Variants in USP6NL observed in about 807,000 individuals in gnomAD.
USP6NL encodes the protein USP6 N-terminal-like protein.
USP6NL carries 26 observed loss-of-function variants against 61.9 expected under a neutral mutation model. That is an observed-to-expected ratio of 0.42 (90% CI 0.31 to 0.58). USP6NL has a LOEUF of 0.58. Among genes scored for constraint, USP6NL ranks in the 20% least tolerant of loss-of-function variants. USP6NL has a pLI of 0.16. For missense variants in USP6NL, 1,114 were observed against 1,034.3 expected (o/e 1.08, Z -1.06); for synonymous variants, 432 against 390.1 (o/e 1.11, Z -1.27).
At chr10:11,583,212 G>A (rs1238660116) in intron 2 of USP6NL, among the ~76,000 whole-genome samples, 15 of 141,888 alleles carry the variant, frequency 1.1e-4, no homozygotes, top group East Asian at 2.1e-4. Flanking sequence ...TCCCTGAGAC[G>A]GAGTCTCGCT....
chr10:11,581,687 A>C (rs11257179), intron 2 of USP6NL, among the ~76,000 whole-genome samples: 17,237 of 151,962 alleles, frequency 0.11, 1,291 homozygotes, highest in East Asian at 0.16. Flanking sequence ...ACCATTTCTA[A>C]CTCTTCTCTC....
Position 11,511,570 on chromosome 10 carries a change from C to T in USP6NL, c.196-1895G>A, listed in dbSNP as rs200892513. 3.3e-5 allele frequency among the ~76,000 whole-genome samples: 5 copies of T among 152,100 alleles called. No individual in the cohort carries two copies. The East Asian group carries it at 7.7e-4, about 23-fold the overall frequency. ...CAACATACACTTTGCCAGGAACAAC[C>T]CTGCTGAGATCTAGCAGGTCTCTTG... On this transcript the variant is annotated intron_variant, in intron 5 of 14. Coordinates refer to ENST00000609104, the MANE Select transcript of USP6NL (RefSeq NM_014688.5). This position sits in a 1 kb window ranked among gnomAD's most constrained non-coding sequence, Gnocchi z 4.9.
chr10:11,522,619 T>C (rs148983222), intron 4 of USP6NL, among the ~76,000 whole-genome samples: 233 of 152,358 alleles, frequency 1.5e-3, no homozygotes, highest in African/African-American at 4.9e-3. Context: ...GACCACATCA[T>C]GGAGTAAATA....
chr10:11,477,267 G>A (rs189228121), intron 14 of USP6NL, among the ~76,000 whole-genome samples: 114 of 152,240 alleles, frequency 7.5e-4, no homozygotes, highest in Middle Eastern at 3.4e-3. Context: ...AATTAATAAA[G>A]ACTAAATTCT....
chr10:11,570,892 T>C (rs1837332539), intron 2 of USP6NL, among the ~76,000 whole-genome samples: 1 of 152,150 alleles, frequency 6.6e-6, no homozygotes. Context: ...GCCCCATCCT[T>C]TTCCCTGGTC....
At chr10:11,497,391 A>C (rs1833979337) in intron 7 of USP6NL, among the ~76,000 whole-genome samples, 1 of 149,532 alleles carries the variant, frequency 6.7e-6, no homozygotes. Context: ...AGCCTGGGCA[A>C]CAAGAGTGAG....
At chr10:11,569,650 A>C (rs1231659918) in intron 2 of USP6NL, among the ~76,000 whole-genome samples, 1 of 152,144 alleles carries the variant, frequency 6.6e-6, no homozygotes, top group Admixed American at 6.5e-5. Context: ...AGGAGGGAAA[A>C]ACTCGCCATC....
intron 4 of USP6NL, among the ~76,000 whole-genome samples, chr10:11,521,634 C>T (rs942290942): frequency 6.6e-6 from 1 of 152,084 alleles, no homozygotes; most frequent in Non-Finnish European, 1.5e-5. Flanking sequence ...CCCGCCTGGG[C>T]CTCCCAAAGT....
rs894133271 is a variant in USP6NL at position 11,515,175 on chromosome 10, G to A, written c.195+3360C>T. On this transcript the variant is annotated intron_variant, in intron 5 of 14. Coordinates refer to ENST00000609104, the MANE Select transcript of USP6NL (RefSeq NM_014688.5). The stretch of plus-strand genomic sequence containing the variant: ...CTGTACAGGACCAGCTGAATAGTAA[G>A]TATTCAATAATCATTTGTTGAATCA... Among the ~76,000 whole-genome samples, 16 of 152,280 alleles carry A rather than the reference G, an allele frequency of 1.1e-4. 1 individual carries two copies. The Middle Eastern group carries it at 0.017, about 162-fold the overall frequency.
intron 6 of USP6NL, among the ~76,000 whole-genome samples, chr10:11,509,149 T>C (rs997229181): frequency 6.6e-6 from 1 of 152,212 alleles, no homozygotes; most frequent in Non-Finnish European, 1.5e-5. Context: ...AGGAGATTGC[T>C]CCTGCTTGAG....
chr10:11,608,292 C>A (rs2133696172), intron 1 of USP6NL, among the ~76,000 whole-genome samples: 1 of 152,352 alleles, frequency 6.6e-6, no homozygotes, highest in Admixed American at 6.5e-5. Context: ...ACTCCCAGGT[C>A]TGGTATGGAT....
At chr10:11,594,267 A>G (rs1053784241) in intron 2 of USP6NL, among the ~76,000 whole-genome samples, 1 of 152,210 alleles carries the variant, frequency 6.6e-6, no homozygotes, top group East Asian at 1.9e-4. Flanking sequence ...AAAATCATCA[A>G]ATGGACAAGA....
At chr10:11,610,148 AAAGTT>A (rs1296880485) in intron 1 of USP6NL, among the ~76,000 whole-genome samples, 1 of 152,178 alleles carries the variant, frequency 6.6e-6, no homozygotes, top group Admixed American at 6.5e-5. Context: ...TCTTCCTTTA[AAAGTT>A]AACTTATACT....
At chr10:11,604,829 A>C (rs1838655757) in intron 1 of USP6NL, among the ~76,000 whole-genome samples, 1 of 152,192 alleles carries the variant, frequency 6.6e-6, no homozygotes, top group Non-Finnish European at 1.5e-5. Flanking sequence ...CCTAAGAGAT[A>C]AATAATAACT....
Position 11,460,561 on chromosome 10 carries a change from CA to C in USP6NL, c.*1879del, listed in dbSNP as rs2096210274. ...AAAACAATCACATCAAAAAAGTATACAGATAAAAAATGTCATAAATGACATA... is the reference window on the plus strand; with the variant it reads ...AAAACAATCACATCAAAAAAGTATACGATAAAAAATGTCATAAATGACATA... On this transcript the variant is annotated 3_prime_UTR_variant, in exon 15 of 15. Coordinates refer to ENST00000609104, the MANE Select transcript of USP6NL (RefSeq NM_014688.5). 1 of 144,092 alleles carries C rather than the reference CA, an allele frequency of 6.9e-6. No homozygotes were observed. Among genetic ancestry groups the C allele is most frequent in the African/African-American group, 2.5e-5 (1 of 40,386 alleles). 8.9% of individuals were successfully genotyped at this position (144,092 alleles called of 1,614,324 possible).
chr10:11,545,891 C>T lies in USP6NL; in HGVS notation c.5-18324G>A, dbSNP rs1836256163. On this transcript the variant is annotated intron_variant, in intron 2 of 14. Transcript: ENST00000609104. Reference sequence around the variant, plus strand: ...GTTGACTATAGTTTTGCCAACCACACTTTGGCCAATAGTCCTTTCAAGAAC... The same window carrying T: ...GTTGACTATAGTTTTGCCAACCACATTTTGGCCAATAGTCCTTTCAAGAAC... 2.0e-5 allele frequency among the ~76,000 whole-genome samples: 3 copies of T among 151,498 alleles called. No homozygotes were observed. In the South Asian group the frequency reaches 6.2e-4, roughly 31 times the overall value.
chr10:11,465,729 A>ATCAATTC lies in USP6NL; in HGVS notation c.1079-1887_1079-1881dup, dbSNP rs1369062605. 6.6e-6 allele frequency among the ~76,000 whole-genome samples: 1 copy of ATCAATTC among 152,130 alleles called. No individual in the cohort carries two copies. Among genetic ancestry groups the ATCAATTC allele is most frequent in the Non-Finnish European group, 1.5e-5 (1 of 68,012 alleles). On this transcript the variant is annotated intron_variant, in intron 14 of 14. Transcript: ENST00000609104. This position sits in a 1 kb window ranked among gnomAD's most constrained non-coding sequence, Gnocchi z 4.5. ...TTCTGAGTTCCATGTTTCAGTCTGC[A>ATCAATTC]TCAATTCTCAATTCTCAATTAATGA...
Position 11,553,225 on chromosome 10 carries a change from A to G in USP6NL, c.5-25658T>C, listed in dbSNP as rs1344738517. 6.6e-6 allele frequency among the ~76,000 whole-genome samples: 1 copy of G among 152,258 alleles called. No homozygotes were observed. Among genetic ancestry groups the G allele is most frequent in the African/African-American group, 2.4e-5 (1 of 41,478 alleles). On this transcript the variant is annotated intron_variant, in intron 2 of 14. Coordinates refer to ENST00000609104, the MANE Select transcript of USP6NL (RefSeq NM_014688.5). The surrounding 1 kb of genome is among the most constrained non-coding windows in gnomAD (Gnocchi z 4.8). ...GCTACTGAATTGTTGAATGCAAAGAAAAAGCTGTTTCAAGACAGTGTACGA... is the reference window on the plus strand; with the variant it reads ...GCTACTGAATTGTTGAATGCAAAGAGAAAGCTGTTTCAAGACAGTGTACGA...
At chr10:11,524,296 T>G (rs984500922) in intron 4 of USP6NL, among the ~76,000 whole-genome samples, 4 of 152,162 alleles carry the variant, frequency 2.6e-5, no homozygotes, top group African/African-American at 9.7e-5. Flanking sequence ...ATAATAACAC[T>G]TAATATTTGT....
Sources: gnomAD v4.1 joint callset for allele counts (sites outside exome capture counted in the v4.1 genomes callset) on GRCh38, gnomAD v4.1.1 for gene constraint, Gnocchi (gnomAD v3.1) non-coding constraint, MANE v1.5 for transcripts, NCBI Gene and HGNC (gene_info 2026-07-23, HGNC 2026-07-21) for gene names.